The following PTGES variants were observed in gnomAD, a reference collection of about 807,000 sequenced individuals.
PTGES encodes the protein MGST1-like 1.
Under a neutral mutation model 11.8 loss-of-function variants are expected in PTGES, and 3 were observed. The ratio of observed to expected loss-of-function variants is 0.25; its 90% CI spans 0.12 to 0.66. PTGES has a LOEUF of 0.66. Among genes scored for constraint, PTGES ranks in the 30% least tolerant of loss-of-function variants. The pLI is 0.82. For missense variants in PTGES, 180 were observed against 213.0 expected (o/e 0.85, Z 0.96); for synonymous variants, 94 against 90.4 (o/e 1.04, Z -0.22).
At chr9:129,743,719 T>C (rs1223991460) in intron 2 of PTGES, among the ~76,000 whole-genome samples, 3 of 152,208 alleles carry the variant, frequency 2.0e-5, no homozygotes, top group Non-Finnish European at 4.4e-5. Context: ...AAGGCAGGTA[T>C]ACAAGACAGT....
In PTGES at chr9:129,739,943, G is replaced by A. The variant is rs1564161735; in HGVS notation, c.210-83C>T. ...TTTGAGAGTGTCATGGAAGCTGGGG[G>A]TGCTTTGACCCACTGGGGGTCATTT... On this transcript the variant is annotated intron_variant, in intron 2 of 2. Coordinates refer to ENST00000340607, the MANE Select transcript of PTGES (RefSeq NM_004878.5). The surrounding 1 kb of genome is among the most constrained non-coding windows in gnomAD (Gnocchi z 5.7). The A allele has an allele frequency of 2.0e-6, 3 of 1,480,570 alleles. No individual in the cohort carries two copies. Among genetic ancestry groups the A allele is most frequent in the East Asian group, 2.5e-5 (1 of 40,310 alleles). The allele number at this position is 1,480,570 out of a possible 1,614,324, so 91.7% of individuals were successfully genotyped here.
Position 129,752,976 on chromosome 9 carries a change from G to A in PTGES, c.37C>T (p.Leu13Phe). The stretch of plus-strand genomic sequence containing the variant: ...GTGCTGCAGAGCAGGAAGGCCGGGA[G>A]GGCCGGGCTGCTCATCACCAGGCTG... ...AHSLVMSSPA[L>F]PAFLLCSTLL... The change falls in exon 1 of 3, where the codon CTC (leucine) becomes TTC (phenylalanine). Residue 13 changes from leucine (L) to phenylalanine (F), a missense_variant. Coordinates refer to ENST00000340607, the MANE Select transcript of PTGES (RefSeq NM_004878.5). The A allele has an allele frequency of 1.9e-6, 3 of 1,610,126 alleles. No individual in the cohort carries two copies. Among genetic ancestry groups the A allele is most frequent in the Non-Finnish European group, 2.5e-6 (3 of 1,180,008 alleles).
chr9:129,739,505 C>G lies in PTGES; in HGVS notation c.*106G>C. The G allele has an allele frequency of 6.9e-7, 1 of 1,443,292 alleles. No homozygotes were observed. The highest frequency in any genetic ancestry group is 9.1e-7 in the Non-Finnish European group (1 of 1,093,500). The allele number at this position is 1,443,292 out of a possible 1,614,324, so 89.4% of individuals were successfully genotyped here. On this transcript the variant is annotated 3_prime_UTR_variant, in exon 3 of 3. Transcript: ENST00000340607. This position sits in a 1 kb window ranked among gnomAD's most constrained non-coding sequence, Gnocchi z 5.7. ...CACGCGCAGCAGGCTGCCAGGAAAC[C>G]AGGACTCAGGGCCCACCACAATCTG...
chr9:129,740,854 C>G (rs1353249424), intron 2 of PTGES, among the ~76,000 whole-genome samples: 3 of 152,210 alleles, frequency 2.0e-5, no homozygotes, highest in African/African-American at 4.8e-5. Flanking sequence ...ATGACCTCCC[C>G]CAAGGACAGG....
chr9:129,748,472 C>T lies in PTGES; in HGVS notation c.209+183G>A, dbSNP rs78524014. On this transcript the variant is annotated intron_variant, in intron 2 of 2. Transcript: ENST00000340607. Reference sequence around the variant, plus strand: ...ACTTTGTAATTATGAGTCATGACCACGTCTTACTTTTCCAAAGTTCATTTG... The same window carrying T: ...ACTTTGTAATTATGAGTCATGACCATGTCTTACTTTTCCAAAGTTCATTTG... Among the ~76,000 whole-genome samples, 1,480 of 152,314 alleles carry T rather than the reference C, an allele frequency of 9.7e-3. 14 individuals are homozygous for T. Among genetic ancestry groups the T allele is most frequent in the Middle Eastern group, 0.048 (14 of 294 alleles).
chr9:129,752,851 A>C, intron 1 of PTGES, 36 bp downstream of exon 1: 1 of 1,613,706 alleles, frequency 6.2e-7, no homozygotes, highest in Non-Finnish European at 8.5e-7. Flanking sequence ...AGAAGCAAGT[A>C]TGACCCAGGC....
rs979999212 is a variant in PTGES, at chr9:129,745,591, G to A, written c.209+3064C>T. Among the ~76,000 whole-genome samples the A allele has an allele frequency of 2.0e-5, 3 of 152,166 alleles. No homozygotes were observed. The highest frequency in any genetic ancestry group is 1.3e-4 in the Admixed American group (2 of 15,282). On this transcript the variant is annotated intron_variant, in intron 2 of 2. Transcript: ENST00000340607. The surrounding 1 kb of genome is among the most constrained non-coding windows in gnomAD (Gnocchi z 4.2). ...CAGAGGAGGGGCCCAGGGGACCCAG[G>A]CACTCCCCAGGTCTGACTTGGGCCC...
At chr9:129,743,385 C>T (rs545547945) in intron 2 of PTGES, among the ~76,000 whole-genome samples, 4 of 152,278 alleles carry the variant, frequency 2.6e-5, no homozygotes, top group South Asian at 2.1e-4. Context: ...CAGACGTGCT[C>T]GGGTGAAATG....
chr9:129,739,575 C>CT lies in PTGES; in HGVS notation c.*35_*36insA, dbSNP rs2130948596. On this transcript the variant is annotated 3_prime_UTR_variant, in exon 3 of 3. Transcript: ENST00000340607. This position sits in a 1 kb window ranked among gnomAD's most constrained non-coding sequence, Gnocchi z 5.7. Reference sequence around the variant, plus strand: ...AGGTATAGCCACGGCGGCTCTTGGCCCATGGTCTGGTGGCCAAGGAGGCAT... The same window carrying CT: ...AGGTATAGCCACGGCGGCTCTTGGCCTCATGGTCTGGTGGCCAAGGAGGCAT... 7.8e-6 allele frequency: 12 copies of CT among 1,540,760 alleles called. No individual in the cohort carries two copies. Among genetic ancestry groups the CT allele is most frequent in the Non-Finnish European group, 1.1e-5 (12 of 1,141,476 alleles).
intron 2 of PTGES, among the ~76,000 whole-genome samples, chr9:129,744,571 C>CAA (rs60799589): frequency 6.6e-3 from 316 of 47,904 alleles, no homozygotes; most frequent in Non-Finnish European, 8.0e-3. Context: ...GACCCTGTCA[C>CAA]AAAAAAAAAA....
Position 129,738,781 on chromosome 9 carries a change from A to G in PTGES, c.*830T>C, listed in dbSNP as rs898323402. On this transcript the variant is annotated 3_prime_UTR_variant, in exon 3 of 3. Coordinates refer to ENST00000340607, the MANE Select transcript of PTGES (RefSeq NM_004878.5). The surrounding 1 kb of genome is among the most constrained non-coding windows in gnomAD (Gnocchi z 4.2). ...CAAGACCCCAGCCTTGCTTCCACAG[A>G]GAACTGGCAGGGGTCCCCTGGCCTG... The G allele has an allele frequency of 6.6e-6, 1 of 152,308 alleles. No homozygotes were observed. Among genetic ancestry groups the G allele is most frequent in the Non-Finnish European group, 1.5e-5 (1 of 68,126 alleles). The allele number at this position is 152,308 out of a possible 1,614,324, so 9.4% of individuals were successfully genotyped here. A position where few individuals can be genotyped will look rare whatever the true frequency, so the allele number is the denominator to read the frequency against.
At chr9:129,750,910 T>C (rs1709008657) in intron 1 of PTGES, among the ~76,000 whole-genome samples, 2 of 152,106 alleles carry the variant, frequency 1.3e-5, no homozygotes, top group Admixed American at 6.6e-5. Flanking sequence ...GGGGGCCACG[T>C]TGTCATGAGG....
chr9:129,748,771 A>G (rs1336596645), intron 1 of PTGES, 34 bp from the exon 2 acceptor site: 2 of 1,536,938 alleles, frequency 1.3e-6, no homozygotes, highest in Non-Finnish European at 8.9e-7. Flanking sequence ...ACTCCTCGTG[A>G]GACAAACGGC....
At chr9:129,744,368 G>A (rs11790782) in intron 2 of PTGES, among the ~76,000 whole-genome samples, 14,206 of 152,032 alleles carry the variant, frequency 0.093, 714 homozygotes, top group East Asian at 0.19. Flanking sequence ...CTTGGGTGCT[G>A]GAATCAGCCT....
chr9:129,740,902 C>T (rs184355428), intron 2 of PTGES, among the ~76,000 whole-genome samples: 47 of 152,338 alleles, frequency 3.1e-4, no homozygotes, highest in African/African-American at 9.1e-4. Context: ...GCATGTTCTC[C>T]GGGCCTTCCT....
chr9:129,751,738 C>T (rs149268652), intron 1 of PTGES, among the ~76,000 whole-genome samples: 6 of 152,210 alleles, frequency 3.9e-5, no homozygotes, highest in South Asian at 2.1e-4. Flanking sequence ...GAGTTCAAAC[C>T]GGGCTGTGTG....
At chr9:129,746,966 G>A (rs553545739) in intron 2 of PTGES, among the ~76,000 whole-genome samples, 3 of 152,298 alleles carry the variant, frequency 2.0e-5, no homozygotes, top group African/African-American at 4.8e-5. Context: ...AAGCTGGAGC[G>A]CAGTGGCGCA....
chr9:129,738,964 C>G lies in PTGES; in HGVS notation c.*647G>C, dbSNP rs1832962596. ...CTCCTGGGCAACATGGTGAACCCGT[C>G]TCTACTAAAAATACAAAAATTAGCT... On this transcript the variant is annotated 3_prime_UTR_variant, in exon 3 of 3. Coordinates refer to ENST00000340607, the MANE Select transcript of PTGES (RefSeq NM_004878.5). The surrounding 1 kb of genome is among the most constrained non-coding windows in gnomAD (Gnocchi z 4.2). 1 of 152,458 alleles carries G rather than the reference C, an allele frequency of 6.6e-6. No individual in the cohort carries two copies. Among genetic ancestry groups the G allele is most frequent in the East Asian group, 1.9e-4 (1 of 5,196 alleles). The allele number at this position is 152,458 out of a possible 1,614,324, so 9.4% of individuals were successfully genotyped here.
intron 1 of PTGES, among the ~76,000 whole-genome samples, chr9:129,752,091 A>T (rs895521786): frequency 2.0e-5 from 3 of 152,218 alleles, no homozygotes; most frequent in Non-Finnish European, 4.4e-5. Flanking sequence ...ACTCCCCAGG[A>T]TCCACCCGCA....
Sources: gnomAD v4.1 joint callset for allele counts (sites outside exome capture counted in the v4.1 genomes callset) on GRCh38, gnomAD v4.1.1 for gene constraint, Gnocchi (gnomAD v3.1) non-coding constraint, MANE v1.5 for transcripts, NCBI Gene and HGNC (gene_info 2026-07-23, HGNC 2026-07-21) for gene names.